Variants in KCNAB1 observed in about 807,000 individuals in gnomAD.
KCNAB1 encodes the protein potassium voltage-gated channel subfamily A regulatory beta subunit 1.
In KCNAB1, 35 loss-of-function variants were observed where a neutral mutation model predicts 64.6. That is an observed-to-expected ratio of 0.54 (90% CI 0.41 to 0.72). The LOEUF is 0.72. Among genes scored for constraint, KCNAB1 ranks in the 30% least tolerant of loss-of-function variants. KCNAB1 has a pLI of 0.00. For missense variants in KCNAB1, 401 were observed against 512.9 expected (o/e 0.78, Z 2.11); for synonymous variants, 177 against 183.8 (o/e 0.96, Z 0.30).
intron 1 of KCNAB1, among the ~76,000 whole-genome samples, chr3:156,394,927 C>T (rs1043973892): frequency 3.3e-5 from 5 of 152,142 alleles, no homozygotes; most frequent in Admixed American, 6.5e-5. Flanking sequence ...TCATTGCAAA[C>T]GTGGAAATAT....
chr3:156,529,863 T>G (rs1415690452), intron 12 of KCNAB1, among the ~76,000 whole-genome samples: 1 of 152,150 alleles, frequency 6.6e-6, no homozygotes, highest in Non-Finnish European at 1.5e-5. Context: ...AAGTTTGCGG[T>G]GCTGGTGGGG....
At chr3:156,203,900 TC>T (rs1714492702) in intron 1 of KCNAB1, among the ~76,000 whole-genome samples, 1 of 152,234 alleles carries the variant, frequency 6.6e-6, no homozygotes, top group South Asian at 2.1e-4. Flanking sequence ...ATTCTTCAGA[TC>T]TTCTTCTAAA....
chr3:156,129,937 C>A (rs545768646), intron 1 of KCNAB1, among the ~76,000 whole-genome samples: 1 of 152,298 alleles, frequency 6.6e-6, no homozygotes, highest in South Asian at 2.1e-4. Context: ...ATGGACCAAA[C>A]GCCTTGTCTG....
At chr3:156,488,161 T>C (rs1715349784) in intron 8 of KCNAB1, among the ~76,000 whole-genome samples, 1 of 152,034 alleles carries the variant, frequency 6.6e-6, no homozygotes, top group African/African-American at 2.4e-5. Context: ...ACAGCATACA[T>C]AGGATTTATT....
intron 1 of KCNAB1, among the ~76,000 whole-genome samples, chr3:156,171,727 G>A (rs1207896852): frequency 6.6e-6 from 1 of 152,162 alleles, no homozygotes; most frequent in Admixed American, 6.5e-5. Flanking sequence ...CCTCCAGAGA[G>A]TTAAAACGCT....
chr3:156,515,861 A>G (rs1717524228), intron 10 of KCNAB1, among the ~76,000 whole-genome samples: 1 of 152,244 alleles, frequency 6.6e-6, no homozygotes, highest in Non-Finnish European at 1.5e-5. Context: ...TGGGAAAAGG[A>G]GAAAAAGATA....
At chr3:156,205,574 A>G (rs973012636) in intron 1 of KCNAB1, among the ~76,000 whole-genome samples, 1 of 152,116 alleles carries the variant, frequency 6.6e-6, no homozygotes, top group Non-Finnish European at 1.5e-5. Context: ...TTTCTCCCCT[A>G]TACATTGGTT....
At position 156,169,009 on chromosome 3, in the gene KCNAB1, A is replaced by G. The variant is rs571854419; in HGVS notation, c.275+48123A>G. Among the ~76,000 whole-genome samples, 24 of 88,958 alleles carry G rather than the reference A, an allele frequency of 2.7e-4. No individual in the cohort carries two copies. The East Asian group carries it at 0.03, about 111-fold the overall frequency. 58.4% of individuals were successfully genotyped at this position (88,958 alleles called of 152,430 possible). ...GAAATAAGGCGAGGGATGATTTTCT[A>G]TGAACACTGATGCTATATCATATGA... is the stretch of plus-strand genomic sequence containing the variant. On this transcript the variant is annotated intron_variant, in intron 1 of 13. Coordinates refer to ENST00000490337, the MANE Select transcript of KCNAB1 (RefSeq NM_172160.3).
chr3:156,262,326 A>G lies in KCNAB1; in HGVS notation c.275+141440A>G, dbSNP rs115306140. On this transcript the variant is annotated intron_variant, in intron 1 of 13. Coordinates refer to ENST00000490337, the MANE Select transcript of KCNAB1 (RefSeq NM_172160.3). ...CCATTTAGTATGATGTGAGCTGTGG[A>G]TTTTTCATGGAGACACTCTTTCAGG... 9.6e-3 allele frequency among the ~76,000 whole-genome samples: 1,456 copies of G among 151,736 alleles called. 26 individuals are homozygous for G. The highest frequency in any genetic ancestry group is 0.034 in the African/African-American group (1,399 of 41,428).
intron 1 of KCNAB1, among the ~76,000 whole-genome samples, chr3:156,362,281 G>A (rs1283030592): frequency 6.6e-6 from 1 of 152,152 alleles, no homozygotes; most frequent in Non-Finnish European, 1.5e-5. Flanking sequence ...GATTATTATT[G>A]TAATGAGAAA....
At chr3:156,399,504 G>A (rs1034367084) in intron 1 of KCNAB1, among the ~76,000 whole-genome samples, 2 of 152,030 alleles carry the variant, frequency 1.3e-5, no homozygotes, top group South Asian at 2.1e-4. Context: ...TATGAACTGG[G>A]GAAACTAAAT....
chr3:156,157,352 G>C (rs1359271768), intron 1 of KCNAB1, among the ~76,000 whole-genome samples: 1 of 152,070 alleles, frequency 6.6e-6, no homozygotes, highest in Admixed American at 6.5e-5. Flanking sequence ...AAAATCATAA[G>C]AAATTGGCCC....
Position 156,231,773 on chromosome 3 carries a change from G to T in KCNAB1, c.275+110887G>T, listed in dbSNP as rs1255491394. Among the ~76,000 whole-genome samples the T allele has an allele frequency of 7.9e-5, 12 of 152,042 alleles. No homozygotes were observed. In the East Asian group the frequency reaches 2.1e-3, roughly 27 times the overall value. ...GATAAACTCAACCAATTGCCAACCA[G>T]AAAATGTTTAAATTTACCTGTAGCC... On this transcript the variant is annotated intron_variant, in intron 1 of 13. Coordinates refer to ENST00000490337, the MANE Select transcript of KCNAB1 (RefSeq NM_172160.3).
chr3:156,374,561 G>A (rs1323402531), intron 1 of KCNAB1, among the ~76,000 whole-genome samples: 1 of 135,554 alleles, frequency 7.4e-6, no homozygotes, highest in Non-Finnish European at 1.5e-5. Flanking sequence ...CCAGTCCAAA[G>A]CCTTATAGAA....
At chr3:156,176,151 A>G (rs1577674113) in intron 1 of KCNAB1, 1 of 771,244 alleles carries the variant, frequency 1.3e-6, no homozygotes. Flanking sequence ...CACGAACTGT[A>G]TTGTCCATTG....
At chr3:156,304,321 TA>T (rs1438277290) in intron 1 of KCNAB1, among the ~76,000 whole-genome samples, 1 of 152,208 alleles carries the variant, frequency 6.6e-6, no homozygotes, top group Non-Finnish European at 1.5e-5. Context: ...AGGGAATGAA[TA>T]GTTTAACTAC....
intron 1 of KCNAB1, among the ~76,000 whole-genome samples, chr3:156,156,432 A>C (rs1037315395): frequency 3.3e-5 from 5 of 152,222 alleles, no homozygotes; most frequent in African/African-American, 1.2e-4. Context: ...TAGGCTGAAA[A>C]GTAGAAGTAG....
intron 1 of KCNAB1, among the ~76,000 whole-genome samples, chr3:156,284,527 T>C (rs1719968682): frequency 6.6e-6 from 1 of 152,204 alleles, no homozygotes; most frequent in South Asian, 2.1e-4. Flanking sequence ...TTTGTTTACC[T>C]AATCAAGCCT....
At chr3:156,377,322 G>A (rs926049644) in intron 1 of KCNAB1, among the ~76,000 whole-genome samples, 10 of 152,122 alleles carry the variant, frequency 6.6e-5, no homozygotes, top group Admixed American at 5.9e-4. Flanking sequence ...CAGGTCACAA[G>A]CCTACCTGTG....
Sources: gnomAD v4.1 joint callset for allele counts (sites outside exome capture counted in the v4.1 genomes callset) on GRCh38, gnomAD v4.1.1 for gene constraint, MANE v1.5 for transcripts, NCBI Gene and HGNC (gene_info 2026-07-23, HGNC 2026-07-21) for gene names.